The following XIRP1 variants were observed in gnomAD, a reference collection of about 807,000 sequenced individuals.
The protein encoded by XIRP1 is xin actin-binding repeat-containing protein 1.
For synonymous variants in XIRP1, 984 were observed against 947.0 expected, an observed-to-expected ratio of 1.04 and a Z score of -0.72; for missense variants, 2,378 against 2,345.4, an observed-to-expected ratio of 1.01 and a Z score of -0.29.
In XIRP1 at chr3:39,188,117, G is replaced by C. The variant is rs767633718; in HGVS notation, c.1329C>G (p.Asn443Lys). 4.3e-6 allele frequency: 7 copies of C among 1,614,060 alleles called. No homozygotes were observed. The highest frequency in any genetic ancestry group is 5.9e-6 in the Non-Finnish European group (7 of 1,180,036). ...TGTCCAAGGGAAGGGTCTCAAAAAG[G>C]TTCTTAAAAGTCTTCACATCCCCCT... is the stretch of plus-strand genomic sequence containing the variant. ...ELKGDVKTFKNLFETLPLDSI... is the reference protein window; with the variant it reads ...ELKGDVKTFKKLFETLPLDSI... Residue 443 changes from asparagine to lysine, a missense_variant, in exon 2 of 2, where the codon AAC becomes AAG. Physicochemically the swap from Asn to Lys is moderately conservative, Grantham distance 94 (BLOSUM62 0). Coordinates refer to ENST00000340369, the MANE Select transcript of XIRP1 (RefSeq NM_194293.4).
At position 39,185,738 on chromosome 3, in the gene XIRP1, C is replaced by T; in HGVS notation, c.3708G>A (p.Leu1236=). The change falls in exon 2 of 2, where the codon CTG becomes CTA. Residue 1236 remains leucine (L), a synonymous_variant. Transcript: ENST00000340369. The part of the protein sequence containing the change: ...LKTAPLGRHI[L]ASGPQAAGAS... ...CACCTGCAGCTTGGGGCCCAGAGGC[C>T]AGAATGTGGCGGCCTAGAGGGGCAG... is the stretch of plus-strand genomic sequence containing the variant. 1 of 1,608,216 alleles carries T rather than the reference C, an allele frequency of 6.2e-7. No individual in the cohort carries two copies. The highest frequency in any genetic ancestry group is 8.5e-7 in the Non-Finnish European group (1 of 1,176,774).
In XIRP1 at chr3:39,184,592, G is replaced by A. The variant is rs755787464; in HGVS notation, c.4854C>T (p.His1618=). The part of the protein sequence containing the change: ...AVKNQAKVEC[H]TEAQSQVKIR... The stretch of plus-strand genomic sequence containing the variant: ...TCTTGACTTGACTCTGGGCCTCAGT[G>A]TGGCATTCAACCTTGGCTTGGTTCT... The change falls in exon 2 of 2, where the codon CAC becomes CAT. Residue 1618 remains histidine (H), a synonymous_variant. Coordinates refer to ENST00000340369, the MANE Select transcript of XIRP1 (RefSeq NM_194293.4). The A allele has an allele frequency of 1.4e-5, 22 of 1,613,798 alleles. No individual in the cohort carries two copies. The highest frequency in any genetic ancestry group is 3.4e-6 in the Non-Finnish European group (4 of 1,179,924).
rs750846053 is a variant in XIRP1, at chr3:39,186,862, G to A, written c.2584C>T (p.Leu862=). The change falls in exon 2 of 2, where the codon CTG becomes TTG. Residue 862 remains leucine, a synonymous_variant. Coordinates refer to ENST00000340369, the MANE Select transcript of XIRP1 (RefSeq NM_194293.4). ...TGQLQLKPLR[L]PTPGSSGNIE... is the part of the protein sequence containing the mutation. ...TTCCCACTGCTGCCTGGAGTTGGCA[G>A]CCTCAGCGGCTTGAGTTGGAGCTGG... 8 of 1,613,804 alleles carry A rather than the reference G, an allele frequency of 5.0e-6. No homozygotes were observed. The South Asian group carries it at 8.8e-5, about 18-fold the overall frequency.
Position 39,188,310 on chromosome 3 carries a change from C to T in XIRP1, c.1136G>A (p.Arg379His), listed in dbSNP as rs559059786. ...PKEEVVPGDV[R>H]STLWLFETKP... ...TGTTTCAAATAGCCACAGGGTGGAG[C>T]GGACATCACCAGGGACCACTTCCTC... Residue 379 changes from arginine to histidine, a missense_variant, in exon 2 of 2, where the codon CGC becomes CAC. Transcript: ENST00000340369. The T allele has an allele frequency of 3.7e-5, 59 of 1,614,146 alleles. No individual in the cohort carries two copies. The South Asian group carries it at 5.1e-4, about 14-fold the overall frequency.
rs776090614 is a variant in XIRP1 at position 39,186,258 on chromosome 3, G to T, written c.3188C>A (p.Ala1063Asp). 1 of 1,612,958 alleles carries T rather than the reference G, an allele frequency of 6.2e-7. No individual in the cohort carries two copies. The highest frequency in any genetic ancestry group is 1.7e-5 in the Admixed American group (1 of 59,882). ...TTGCTGGTGCAGGCTCTGGGCTTCA[G>T]CTGTTGCCATCCGCAGACTCTGCAT... ...AAMQSLRMATAEAQSLHQQVL... is the reference protein window; with the variant it reads ...AAMQSLRMATDEAQSLHQQVL... Residue 1063 changes from alanine (A) to aspartate (D), a missense_variant, in exon 2 of 2, where the codon GCT (alanine) becomes GAT (aspartate). Transcript: ENST00000340369.
chr3:39,186,958 T>A lies in XIRP1; in HGVS notation c.2488A>T (p.Ile830Phe). The change falls in exon 2 of 2, where the codon ATC (isoleucine) becomes TTC (phenylalanine). Residue 830 changes from isoleucine to phenylalanine, a missense_variant. Transcript: ENST00000340369. The part of the protein sequence containing the change: ...EELVSGELPR[I>F]ICQVLRRPDV... ...GGCCGGCGCAGGACTTGGCAGATGA[T>A]CCTGGGAAGTTCACCTGACACCAGC... 6.2e-7 allele frequency: 1 copy of A among 1,609,502 alleles called. No individual in the cohort carries two copies. Among genetic ancestry groups the A allele is most frequent in the Non-Finnish European group, 8.5e-7 (1 of 1,176,186 alleles).
intron 1 of XIRP1, 105 bp from the exon 2 acceptor site, chr3:39,189,630 T>C (rs1329036344): frequency 1.2e-6 from 1 of 864,186 alleles, no homozygotes; most frequent in African/African-American, 1.7e-5. Context: ...GGGCTTCACT[T>C]CGCTGCCTGC....
rs758478435 is a variant in XIRP1, at chr3:39,184,776, GC to G, written c.4669del (p.Ala1557HisfsTer127). ...CTGGAGGCTAGACATGGAGCTGAGT[GC>G]CTTGTGCACAGCCTCTTCAATGTCC... ...LLDIEEAVHK[A>X]LSSMSSLQPE... On this transcript the variant is annotated frameshift_variant, in exon 2 of 2. Coordinates refer to ENST00000340369, the MANE Select transcript of XIRP1 (RefSeq NM_194293.4). LOFTEE classifies it low-confidence loss of function (END_TRUNC). The G allele has an allele frequency of 2.5e-6, 4 of 1,614,142 alleles. No homozygotes were observed. The highest frequency in any genetic ancestry group is 3.4e-6 in the Non-Finnish European group (4 of 1,180,052).
Position 39,186,115 on chromosome 3 carries a change from G to A in XIRP1, c.3331C>T (p.Pro1111Ser). The change falls in exon 2 of 2, where the codon CCC becomes TCC. Residue 1111 changes from proline to serine, a missense_variant. Coordinates refer to ENST00000340369, the MANE Select transcript of XIRP1 (RefSeq NM_194293.4). ...SNIRPGGGSD[P>S]RIPAAPRKVS... ...TTTCTGGGGGCTGCTGGGATCCGGGGATCACTTCCACCCCCAGGCCTTATG... is the reference window on the plus strand; with the variant it reads ...TTTCTGGGGGCTGCTGGGATCCGGGAATCACTTCCACCCCCAGGCCTTATG... 3.1e-6 allele frequency: 5 copies of A among 1,613,386 alleles called. No individual in the cohort carries two copies. Among genetic ancestry groups the A allele is most frequent in the Non-Finnish European group, 4.2e-6 (5 of 1,179,524 alleles).
rs934793110 is a variant in XIRP1, at chr3:39,188,953, G to A, written c.493C>T (p.Leu165=). 2 of 1,613,672 alleles carry A rather than the reference G, an allele frequency of 1.2e-6. No homozygotes were observed. The highest frequency in any genetic ancestry group is 2.7e-5 in the African/African-American group (2 of 74,932). The change falls in exon 2 of 2, where the codon CTG becomes TTG. Residue 165 remains leucine, a synonymous_variant. Coordinates refer to ENST00000340369, the MANE Select transcript of XIRP1 (RefSeq NM_194293.4). ...TTGGCTTGCCCTGTCAGCTCGTCCA[G>A]TGGCTTTGTCTCAAATAGCCAGCGG... ...AARWLFETKP[L]DELTGQAKEL...
rs904465325 is a variant in XIRP1 at position 39,188,103 on chromosome 3, A to C, written c.1343T>G (p.Leu448Arg). ...ACCCTGTCCAATGCTGTCCAAGGGA[A>C]GGGTCTCAAAAAGGTTCTTAAAAGT... ...VKTFKNLFET[L>R]PLDSIGQGEV... Residue 448 changes from leucine to arginine, a missense_variant, in exon 2 of 2, where the codon CTT becomes CGT. Physicochemically the swap from Leu to Arg is moderately radical, Grantham distance 102. Coordinates refer to ENST00000340369, the MANE Select transcript of XIRP1 (RefSeq NM_194293.4). 22 of 1,614,030 alleles carry C rather than the reference A, an allele frequency of 1.4e-5. No homozygotes were observed. Among genetic ancestry groups the C allele is most frequent in the Non-Finnish European group, 1.7e-5 (20 of 1,180,020 alleles).
chr3:39,188,007 C>T lies in XIRP1; in HGVS notation c.1439G>A (p.Gly480Glu). 6.2e-7 allele frequency: 1 copy of T among 1,614,206 alleles called. No homozygotes were observed. The highest frequency in any genetic ancestry group is 1.3e-5 in the African/African-American group (1 of 75,050). ...TDSAGQAQGI[G>E]SPVYAMQDSK... is the part of the protein sequence containing the mutation. ...GTCCTGCATGGCATACACTGGGGAC[C>T]CTATGCCCTGGGCCTGCCCAGCAGA... Residue 480 changes from glycine to glutamate, a missense_variant, in exon 2 of 2, where the codon GGG (glycine) becomes GAG (glutamate). Gly to Glu is a moderately conservative substitution (Grantham distance 98, BLOSUM62 -2). Transcript: ENST00000340369.
chr3:39,189,581 C>T (rs565377963), intron 1 of XIRP1, 56 bp from the exon 2 acceptor site: 32 of 1,326,478 alleles, frequency 2.4e-5, no homozygotes, highest in African/African-American at 2.9e-5. Flanking sequence ...GGGTGACTTA[C>T]GCTTAGAGAC....
rs199564986 is a variant in XIRP1 at position 39,187,971 on chromosome 3, C to T, written c.1475G>A (p.Arg492His). 3.8e-4 allele frequency: 618 copies of T among 1,614,096 alleles called. No individual in the cohort carries two copies. The highest frequency in any genetic ancestry group is 8.2e-4 in the Middle Eastern group (5 of 6,084). The change falls in exon 2 of 2, where the codon CGC (arginine) becomes CAC (histidine). Residue 492 changes from arginine to histidine, a missense_variant. Coordinates refer to ENST00000340369, the MANE Select transcript of XIRP1 (RefSeq NM_194293.4). The part of the protein sequence containing the change: ...PVYAMQDSKG[R>H]LHALTSVSRE... ...GCTAACAGAGGTCAGGGCATGGAGGCGGCCCTTGCTGTCCTGCATGGCATA... is the reference window on the plus strand; with the variant it reads ...GCTAACAGAGGTCAGGGCATGGAGGTGGCCCTTGCTGTCCTGCATGGCATA...
rs1264959563 is a variant in XIRP1 at position 39,187,757 on chromosome 3, G to A, written c.1689C>T (p.His563=). 5.0e-6 allele frequency: 8 copies of A among 1,614,080 alleles called. No individual in the cohort carries two copies. In the East Asian group the frequency reaches 1.8e-4, roughly 36 times the overall value. The change falls in exon 2 of 2, where the codon CAC becomes CAT. Residue 563 remains histidine, a synonymous_variant. Transcript: ENST00000340369. ...LFETQPLEMI[H]QREQQERQKE... ...TCTGTCGTTCCTGCTGCTCCCGTTG[G>A]TGGATCATCTCCAGGGGCTGGGTCT...
rs759203422 is a variant in XIRP1 at position 39,186,572 on chromosome 3, G to C, written c.2874C>G (p.Ser958Arg). 1 of 1,610,898 alleles carries C rather than the reference G, an allele frequency of 6.2e-7. No individual in the cohort carries two copies. Among genetic ancestry groups the C allele is most frequent in the Non-Finnish European group, 8.5e-7 (1 of 1,178,190 alleles). Residue 958 changes from serine to arginine, a missense_variant, in exon 2 of 2, where the codon AGC becomes AGG. Ser to Arg is a moderately radical substitution (Grantham distance 110). Coordinates refer to ENST00000340369, the MANE Select transcript of XIRP1 (RefSeq NM_194293.4). ...PPADPSPVPASEGAQSLHPTE... is the reference protein window; with the variant it reads ...PPADPSPVPAREGAQSLHPTE... ...TTGGGTGCAGGCTCTGGGCCCCCTC[G>C]CTGGCTGGCACTGGACTCGGGTCAG... is the stretch of plus-strand genomic sequence containing the variant.
chr3:39,189,564 T>C lies in XIRP1; in HGVS notation c.-80-39A>G, dbSNP rs756429875. 4.1e-4 allele frequency: 592 copies of C among 1,452,422 alleles called. 1 individual carries two copies. The highest frequency in any genetic ancestry group is 5.1e-4 in the Non-Finnish European group (549 of 1,084,370). The allele number at this position is 1,452,422 out of a possible 1,614,324, so 90.0% of individuals were successfully genotyped here. On this transcript the variant is annotated intron_variant, in intron 1 of 1. Transcript: ENST00000340369. ...TAGTAAACAGGGCTCAGAGTCAGAGTAGCTCTGGGTGACTTACGCTTAGAG... is the reference window on the plus strand; with the variant it reads ...TAGTAAACAGGGCTCAGAGTCAGAGCAGCTCTGGGTGACTTACGCTTAGAG...
intron 1 of XIRP1, among the ~76,000 whole-genome samples, chr3:39,190,674 T>G (rs1252246082): frequency 6.9e-6 from 1 of 145,774 alleles, no homozygotes; most frequent in East Asian, 2.0e-4. Context: ...CTACCACCCC[T>G]CAAGCCCTTC....
Position 39,185,684 on chromosome 3 carries a change from A to G in XIRP1, c.3762T>C (p.Val1254=). Residue 1254 remains valine, a synonymous_variant, in exon 2 of 2, where the codon GTT becomes GTC. Transcript: ENST00000340369. ...GASPHPHNAF[V]PPPPTLPAAV... ...CAGCTGGGAGAGTAGGAGGAGGAGG[A>G]ACAAAGGCATTATGGGGGTGCGGGC... 1 of 1,613,356 alleles carries G rather than the reference A, an allele frequency of 6.2e-7. No individual in the cohort carries two copies. Among genetic ancestry groups the G allele is most frequent in the Middle Eastern group, 1.7e-4 (1 of 6,058 alleles).
Sources: allele counts gnomAD v4.1 joint callset (sites outside exome capture counted in the v4.1 genomes callset), GRCh38; gene constraint gnomAD v4.1.1; transcripts MANE v1.5; gene names NCBI Gene and HGNC (gene_info 2026-07-23, HGNC 2026-07-21).